Variants in RXFP1 observed in about 807,000 individuals in gnomAD.
RXFP1 encodes relaxin receptor 1.
RXFP1 carries 73 observed loss-of-function variants against 89.8 expected under a neutral mutation model. The observed-to-expected ratio is 0.81, with a 90% CI of 0.67 to 0.99. RXFP1 has a LOEUF of 0.99. Among genes scored for constraint, RXFP1 ranks in the 50% least tolerant of loss-of-function variants. RXFP1 has a pLI of 0.00. For synonymous variants in RXFP1, 277 were observed against 305.5 expected, an observed-to-expected ratio of 0.91 and a Z score of 0.97; for missense variants, 793 against 895.5, an observed-to-expected ratio of 0.89 and a Z score of 1.46.
chr4:158,636,808 A>G (rs754766199), intron 12 of RXFP1, among the ~76,000 whole-genome samples: 2 of 152,170 alleles, frequency 1.3e-5, no homozygotes, highest in Non-Finnish European at 1.5e-5. Context: ...ATACATTGTT[A>G]TTTGCTATAG....
At chr4:158,532,346 T>C (rs1023499250) in intron 1 of RXFP1, among the ~76,000 whole-genome samples, 2 of 152,166 alleles carry the variant, frequency 1.3e-5, no homozygotes, top group African/African-American at 4.8e-5. Flanking sequence ...GGCATCTAGA[T>C]GGATTCCATG....
At chr4:158,568,995 T>C (rs534700499) in intron 1 of RXFP1, among the ~76,000 whole-genome samples, 1 of 152,218 alleles carries the variant, frequency 6.6e-6, no homozygotes, top group African/African-American at 2.4e-5. Context: ...TTGGTAAGGA[T>C]AATGGGAGCA....
intron 1 of RXFP1, among the ~76,000 whole-genome samples, chr4:158,566,972 C>T (rs774355996): frequency 3.3e-5 from 5 of 152,194 alleles, no homozygotes; most frequent in Non-Finnish European, 7.3e-5. Flanking sequence ...ACCAGGGCTG[C>T]GTGCAGCGCT....
intron 6 of RXFP1, among the ~76,000 whole-genome samples, chr4:158,608,610 G>A (rs1009177946): frequency 6.6e-6 from 1 of 152,066 alleles, no homozygotes; most frequent in Non-Finnish European, 1.5e-5. Flanking sequence ...AAAGCTTTTT[G>A]TGGTAAAATA....
rs374420589 is a variant in RXFP1, at chr4:158,541,542, T to G, written c.49+19517T>G. On this transcript the variant is annotated intron_variant, in intron 1 of 17. Coordinates refer to ENST00000307765, the MANE Select transcript of RXFP1 (RefSeq NM_021634.4). ...ATATAAAAATATTTCCTAAACTTAT[T>G]TTTTAAAAACACTTTATTTTGAAAA... is the stretch of plus-strand genomic sequence containing the variant. 7.9e-5 allele frequency among the ~76,000 whole-genome samples: 12 copies of G among 152,300 alleles called. 1 individual carries two copies. Among genetic ancestry groups the G allele is most frequent in the Admixed American group, 5.2e-4 (8 of 15,280 alleles).
At chr4:158,592,847 T>G (rs188602503) in intron 2 of RXFP1, among the ~76,000 whole-genome samples, 1 of 151,560 alleles carries the variant, frequency 6.6e-6, no homozygotes, top group African/African-American at 2.4e-5. Context: ...TCCCAACACT[T>G]TGGGGGGCCG....
chr4:158,616,092 T>A (rs896790327), intron 8 of RXFP1, among the ~76,000 whole-genome samples: 4 of 152,218 alleles, frequency 2.6e-5, no homozygotes, highest in African/African-American at 7.2e-5. Flanking sequence ...TTTTAAAAAA[T>A]GCACTATCTG....
In RXFP1 at chr4:158,653,028, T is replaced by C. The variant is rs921159870; in HGVS notation, c.*973T>C. The C allele has an allele frequency of 1.3e-5, 2 of 152,206 alleles. No homozygotes were observed. The highest frequency in any genetic ancestry group is 2.9e-5 in the Non-Finnish European group (2 of 68,024). The allele number at this position is 152,206 out of a possible 1,614,324, so 9.4% of individuals were successfully genotyped here. ...AGGAAAAAGAGCTGGAATGCACTGA[T>C]TCAGGAACTTAATTTCAGGAAGGAA... On this transcript the variant is annotated 3_prime_UTR_variant, in exon 18 of 18. Coordinates refer to ENST00000307765, the MANE Select transcript of RXFP1 (RefSeq NM_021634.4).
intron 8 of RXFP1, among the ~76,000 whole-genome samples, chr4:158,614,113 A>C (rs1215078753): frequency 6.6e-6 from 1 of 152,170 alleles, no homozygotes; most frequent in Non-Finnish European, 1.5e-5. Context: ...AATGTTTAGT[A>C]AACCATGCTG....
intron 1 of RXFP1, among the ~76,000 whole-genome samples, chr4:158,569,408 CA>C (rs1373287722): frequency 6.6e-6 from 1 of 152,080 alleles, no homozygotes; most frequent in Non-Finnish European, 1.5e-5. Context: ...CAGTGAACTC[CA>C]ATGTAAACTA....
At chr4:158,574,014 A>G (rs1755704878) in intron 2 of RXFP1, among the ~76,000 whole-genome samples, 2 of 152,246 alleles carry the variant, frequency 1.3e-5, no homozygotes, top group South Asian at 2.1e-4. Context: ...TTATAAAGCC[A>G]GTAAGTAGGG....
chr4:158,600,080 C>T (rs912125699), intron 4 of RXFP1, among the ~76,000 whole-genome samples: 2 of 152,322 alleles, frequency 1.3e-5, no homozygotes, highest in East Asian at 3.9e-4. Context: ...CAAACATATA[C>T]ATTTGACTGA....
At chr4:158,522,072 A>T (rs1425546155) in intron 1 of RXFP1, 47 bp downstream of exon 1, 1 of 1,129,820 alleles carries the variant, frequency 8.9e-7, no homozygotes, top group Non-Finnish European at 1.3e-6. Context: ...TATTTTGTGG[A>T]ATAACCACAA....
At position 158,645,000 on chromosome 4, in the gene RXFP1, T is replaced by C. The variant is rs1351055620; in HGVS notation, c.1207T>C (p.Leu403=). ...TDGISSLENL[L]ASIIQRVFVW... ...TGGAATTTCATCTCTAGAGAATCTC[T>C]TGGCAAGCATTATTCAGAGAGTATT... Residue 403 remains leucine (L), a synonymous_variant, in exon 15 of 18, where the codon TTG becomes CTG. Transcript: ENST00000307765. The C allele has an allele frequency of 6.2e-7, 1 of 1,614,180 alleles. No homozygotes were observed.
chr4:158,588,379 C>A (rs956568871), intron 2 of RXFP1, among the ~76,000 whole-genome samples: 4 of 152,158 alleles, frequency 2.6e-5, no homozygotes, highest in African/African-American at 9.7e-5. Context: ...GTATATTAGA[C>A]AGAAATTAGG....
At chr4:158,578,405 C>A (rs1756682147) in intron 2 of RXFP1, among the ~76,000 whole-genome samples, 1 of 152,124 alleles carries the variant, frequency 6.6e-6, no homozygotes, top group African/African-American at 2.4e-5. Flanking sequence ...AACTATGATA[C>A]CTGAGAGAAT....
intron 2 of RXFP1, among the ~76,000 whole-genome samples, chr4:158,588,322 C>G (rs1406516982): frequency 6.6e-6 from 1 of 152,198 alleles, no homozygotes; most frequent in East Asian, 1.9e-4. Context: ...CAGTCAGCCT[C>G]CCCACATCTG....
chr4:158,551,377 G>A (rs973193564), intron 1 of RXFP1, among the ~76,000 whole-genome samples: 11 of 152,166 alleles, frequency 7.2e-5, no homozygotes, highest in African/African-American at 2.4e-4. Flanking sequence ...GAAGGACCAA[G>A]CAAGTGACTG....
intron 17 of RXFP1, among the ~76,000 whole-genome samples, chr4:158,649,961 A>G (rs1419580122): frequency 1.3e-5 from 2 of 152,270 alleles, no homozygotes. Context: ...AGCATTATTC[A>G]CAATAGCCAA....
Sources: allele counts gnomAD v4.1 joint callset (sites outside exome capture counted in the v4.1 genomes callset), GRCh38; gene constraint gnomAD v4.1.1; transcripts MANE v1.5; gene names NCBI Gene and HGNC (gene_info 2026-07-23, HGNC 2026-07-21).